Variants in CDYL2 observed in about 807,000 individuals in gnomAD.
The protein encoded by CDYL2 is chromodomain Y like 2.
CDYL2 carries 23 observed loss-of-function variants against 49.4 expected under a neutral mutation model. The observed-to-expected ratio is 0.47, with a 90% CI of 0.34 to 0.66. CDYL2 has a LOEUF of 0.66. CDYL2 is among the 30% of genes least tolerant of loss of function. The pLI, the probability that CDYL2 is intolerant of heterozygous loss-of-function variation, is 0.01. For synonymous variants in CDYL2, 360 were observed against 268.8 expected (o/e 1.34, Z -3.32); for missense variants, 678 against 656.4 (o/e 1.03, Z -0.36).
Position 80,598,469 on chromosome 16 carries a change from A to G in CDYL2, c.*5919T>C, listed in dbSNP as rs566383863. 6.6e-6 allele frequency: 1 copy of G among 152,340 alleles called. No individual in the cohort carries two copies. The highest frequency in any genetic ancestry group is 1.9e-4 in the East Asian group (1 of 5,188). The allele number at this position is 152,340 out of a possible 1,614,324, so 9.4% of individuals were successfully genotyped here. A position where few individuals can be genotyped will look rare whatever the true frequency, so the allele number is the denominator to read the frequency against. ...ATGAATGAGAATGGAGAGAGAACTGAAGACAATTCTTCTCACACCTAACAG... is the reference window on the plus strand; with the variant it reads ...ATGAATGAGAATGGAGAGAGAACTGGAGACAATTCTTCTCACACCTAACAG... On this transcript the variant is annotated 3_prime_UTR_variant, in exon 7 of 7. Transcript: ENST00000570137.
chr16:80,709,404 AC>A (rs1904516292), intron 1 of CDYL2, among the ~76,000 whole-genome samples: 2 of 151,648 alleles, frequency 1.3e-5, no homozygotes, highest in African/African-American at 4.9e-5. Flanking sequence ...AAAAGAAAAT[AC>A]AAATTTGTTC....
intron 1 of CDYL2, among the ~76,000 whole-genome samples, chr16:80,699,161 T>C (rs1234469126): frequency 2.0e-5 from 3 of 152,222 alleles, no homozygotes; most frequent in Admixed American, 6.5e-5. Flanking sequence ...ACTGGGTATA[T>C]ATCCAAAGGA....
Position 80,782,834 on chromosome 16 carries a change from A to G in CDYL2, c.24+21316T>C, listed in dbSNP as rs116958188. On this transcript the variant is annotated intron_variant, in intron 1 of 6. Coordinates refer to ENST00000570137, the MANE Select transcript of CDYL2 (RefSeq NM_152342.4). ...AAAATAAAATTTTGAAAAACTAGTA[A>G]TAAAATGAAACTCTCTTAACATCAT... Among the ~76,000 whole-genome samples, 4 of 152,296 alleles carry G rather than the reference A, an allele frequency of 2.6e-5. No individual in the cohort carries two copies. The East Asian group carries it at 7.7e-4, about 29-fold the overall frequency.
chr16:80,669,685 T>A (rs553042708), intron 2 of CDYL2, among the ~76,000 whole-genome samples: 1 of 152,176 alleles, frequency 6.6e-6, no homozygotes, highest in Non-Finnish European at 1.5e-5. Flanking sequence ...GCTGGCTTTG[T>A]GGCCTCAGGC....
chr16:80,733,424 T>C (rs1479031686), intron 1 of CDYL2, among the ~76,000 whole-genome samples: 1 of 152,170 alleles, frequency 6.6e-6, no homozygotes, highest in African/African-American at 2.4e-5. Context: ...ATACTAACAT[T>C]CCAAAAATGT....
intron 1 of CDYL2, among the ~76,000 whole-genome samples, chr16:80,752,237 C>T (rs1906162459): frequency 6.6e-6 from 1 of 151,842 alleles, no homozygotes; most frequent in Non-Finnish European, 1.5e-5. Context: ...ATCCAGACAG[C>T]AACAAGGAGA....
chr16:80,737,701 G>T (rs1905586099), intron 1 of CDYL2, among the ~76,000 whole-genome samples: 1 of 152,162 alleles, frequency 6.6e-6, no homozygotes, highest in South Asian at 2.1e-4. Context: ...ACAGATGGCT[G>T]GGCTGCACAT....
chr16:80,675,557 G>A (rs933940281), intron 2 of CDYL2, among the ~76,000 whole-genome samples: 1 of 152,164 alleles, frequency 6.6e-6, no homozygotes, highest in Non-Finnish European at 1.5e-5. Flanking sequence ...TTTGTGTGAG[G>A]AGTCAGGGTG....
At chr16:80,725,237 T>C (rs1332187976) in intron 1 of CDYL2, among the ~76,000 whole-genome samples, 1 of 151,890 alleles carries the variant, frequency 6.6e-6, no homozygotes, top group African/African-American at 2.4e-5. Context: ...CTCACCAACA[T>C]CTATTCATCC....
rs866775206 is a variant in CDYL2 at position 80,654,981 on chromosome 16, G to A, written c.617-21745C>T. Among the ~76,000 whole-genome samples, 8 of 152,330 alleles carry A rather than the reference G, an allele frequency of 5.3e-5. No individual in the cohort carries two copies. The South Asian group carries it at 1.7e-3, about 32-fold the overall frequency. On this transcript the variant is annotated intron_variant, in intron 2 of 6. Transcript: ENST00000570137. ...CCTTCCTAATCAGACAGAGCTGGCT[G>A]TGGTTTCTGCAGCGGCCCAGGCAGA... is the stretch of plus-strand genomic sequence containing the variant.
chr16:80,654,841 C>T (rs1380867205), intron 2 of CDYL2, among the ~76,000 whole-genome samples: 1 of 152,232 alleles, frequency 6.6e-6, no homozygotes, highest in Non-Finnish European at 1.5e-5. Context: ...CTCCTGACAC[C>T]AGGTAAAATG....
intron 2 of CDYL2, among the ~76,000 whole-genome samples, chr16:80,655,443 C>G (rs1364715789): frequency 1.3e-5 from 2 of 152,078 alleles, no homozygotes; most frequent in Non-Finnish European, 2.9e-5. Flanking sequence ...TAACAAGTAA[C>G]TAATACCTAA....
At chr16:80,740,733 A>T (rs1905704274) in intron 1 of CDYL2, among the ~76,000 whole-genome samples, 1 of 152,158 alleles carries the variant, frequency 6.6e-6, no homozygotes, top group Admixed American at 6.5e-5. Flanking sequence ...ATATAGTAGA[A>T]AAAAAGTCTA....
At chr16:80,657,698 G>C (rs1908869083) in intron 2 of CDYL2, among the ~76,000 whole-genome samples, 1 of 152,004 alleles carries the variant, frequency 6.6e-6, no homozygotes, top group Non-Finnish European at 1.5e-5. Context: ...TCATTGTGGG[G>C]GAGATACAGA....
Position 80,618,707 on chromosome 16 carries a change from C to G in CDYL2, c.1007+2056G>C, listed in dbSNP as rs550143368. ...AAGCCTCATCACCGTCAACCCAGGG[C>G]TGGCCTGGGAGTCCCACCTTGCCTG... On this transcript the variant is annotated intron_variant, in intron 4 of 6. Transcript: ENST00000570137. Among the ~76,000 whole-genome samples, 3 of 152,310 alleles carry G rather than the reference C, an allele frequency of 2.0e-5. No individual in the cohort carries two copies. The East Asian group carries it at 5.8e-4, about 29-fold the overall frequency.
At chr16:80,623,011 A>G (rs1353627090) in intron 3 of CDYL2, among the ~76,000 whole-genome samples, 1 of 152,178 alleles carries the variant, frequency 6.6e-6, no homozygotes, top group Non-Finnish European at 1.5e-5. Flanking sequence ...TCTCAAAGCA[A>G]CATGTCAGGA....
At chr16:80,639,289 T>C (rs1907976077) in intron 2 of CDYL2, among the ~76,000 whole-genome samples, 1 of 152,194 alleles carries the variant, frequency 6.6e-6, no homozygotes, top group African/African-American at 2.4e-5. Flanking sequence ...TAAGACAGTT[T>C]TGTCTTTTCT....
At chr16:80,722,999 G>T (rs1265832005) in intron 1 of CDYL2, among the ~76,000 whole-genome samples, 1 of 152,222 alleles carries the variant, frequency 6.6e-6, no homozygotes, top group Admixed American at 6.5e-5. Flanking sequence ...AGACATAGAG[G>T]GGCCATGGGG....
chr16:80,645,401 C>T lies in CDYL2; in HGVS notation c.617-12165G>A, dbSNP rs1437630346. Reference sequence around the variant, plus strand: ...ATGAAAAAATGCTCATCATCACTGGCCATCAGAGAAATGCAAATCAAAACC... The same window carrying T: ...ATGAAAAAATGCTCATCATCACTGGTCATCAGAGAAATGCAAATCAAAACC... On this transcript the variant is annotated intron_variant, in intron 2 of 6. Transcript: ENST00000570137. Among the ~76,000 whole-genome samples, 4 of 152,226 alleles carry T rather than the reference C, an allele frequency of 2.6e-5. No homozygotes were observed. The South Asian group carries it at 6.2e-4, about 24-fold the overall frequency.
Sources: allele counts gnomAD v4.1 joint callset (sites outside exome capture counted in the v4.1 genomes callset), GRCh38; gene constraint gnomAD v4.1.1; transcripts MANE v1.5; gene names NCBI Gene and HGNC (gene_info 2026-07-23, HGNC 2026-07-21).